SDHC: variants seen among roughly 807,000 people sequenced by gnomAD.
SDHC encodes succinate dehydrogenase cytochrome b560 subunit, mitochondrial.
SDHC carries 11 observed loss-of-function variants against 22.6 expected under a neutral mutation model. The observed-to-expected ratio is 0.49, with a 90% CI of 0.31 to 0.81. SDHC has a LOEUF of 0.81. SDHC is among the 30% of genes least tolerant of loss of function. SDHC has a pLI of 0.05. For missense variants in SDHC, 160 were observed against 212.0 expected, an observed-to-expected ratio of 0.75 and a Z score of 1.52; for synonymous variants, 80 against 77.8, an observed-to-expected ratio of 1.03 and a Z score of -0.15.
chr1:161,338,867 G>A (rs1270716389), intron 3 of SDHC, among the ~76,000 whole-genome samples: 1 of 151,154 alleles, frequency 6.6e-6, no homozygotes, highest in South Asian at 2.1e-4. Flanking sequence ...TCTTTTTTTT[G>A]AGATGGAGTC....
chr1:161,362,294 G>A (rs765602054), intron 5 of SDHC, 35 bp from the exon 6 acceptor site: 2 of 1,584,672 alleles, frequency 1.3e-6, no homozygotes, highest in African/African-American at 2.7e-5. Context: ...CCTATTTACT[G>A]AAATTCCTTT....
At chr1:161,337,503 A>C (rs559920603) in intron 3 of SDHC, among the ~76,000 whole-genome samples, 1 of 152,328 alleles carries the variant, frequency 6.6e-6, no homozygotes, top group East Asian at 1.9e-4. Context: ...GCCGTCGGTC[A>C]TCAAGTCCTG....
rs369274171 is a variant in SDHC at position 161,356,853 on chromosome 1, G to A, written c.405+13G>A. 8.4e-5 allele frequency: 136 copies of A among 1,612,776 alleles called. No homozygotes were observed. Among genetic ancestry groups the A allele is most frequent in the Non-Finnish European group, 1.1e-4 (125 of 1,178,982 alleles). On this transcript the variant is annotated intron_variant, in intron 5 of 5. Transcript: ENST00000367975. ...GATCCGACACTTGGTAAGTTAATTC[G>A]GGATTTGCACATTTTCTCTGTGAAG...
chr1:161,333,428 C>T (rs542713519), intron 3 of SDHC, among the ~76,000 whole-genome samples: 219 of 136,160 alleles, frequency 1.6e-3, no homozygotes, highest in African/African-American at 4.7e-3. Flanking sequence ...TTTTTAAAGA[C>T]GGAGTCTCGC....
At chr1:161,358,655 A>G (rs1280000135) in intron 5 of SDHC, among the ~76,000 whole-genome samples, 8 of 151,594 alleles carry the variant, frequency 5.3e-5, no homozygotes, top group Admixed American at 5.2e-4. Context: ...AGGCGGGCAC[A>G]GTGGTTCACG....
At chr1:161,329,340 T>C (rs1055405192) in intron 3 of SDHC, among the ~76,000 whole-genome samples, 4 of 151,968 alleles carry the variant, frequency 2.6e-5, no homozygotes, top group African/African-American at 7.3e-5. Context: ...TCTTCTTTTT[T>C]TATTTTTCTG....
intron 1 of SDHC, among the ~76,000 whole-genome samples, chr1:161,322,571 G>GTTT (rs61699343): frequency 5.7e-5 from 8 of 140,858 alleles, no homozygotes; most frequent in African/African-American, 2.1e-4. Context: ...GTTTGTTTTT[G>GTTT]TTTTTTTTTT....
intron 3 of SDHC, among the ~76,000 whole-genome samples, chr1:161,334,975 C>T (rs558732324): frequency 6.6e-6 from 1 of 152,310 alleles, no homozygotes; most frequent in African/African-American, 2.4e-5. Flanking sequence ...AATTTTGCCA[C>T]TTGTCCCATT....
chr1:161,331,367 A>G (rs1033884101), intron 3 of SDHC, among the ~76,000 whole-genome samples: 1 of 151,732 alleles, frequency 6.6e-6, no homozygotes, highest in Non-Finnish European at 1.5e-5. Flanking sequence ...TCCCAGGCTT[A>G]AGCAATCCTT....
chr1:161,332,909 A>C (rs185930500), intron 3 of SDHC, among the ~76,000 whole-genome samples: 6 of 152,322 alleles, frequency 3.9e-5, no homozygotes, highest in African/African-American at 1.4e-4. Flanking sequence ...CTGGGATTAT[A>C]GGCATGAGCC....
rs555466151 is a variant in SDHC at position 161,343,410 on chromosome 1, A to G, written c.241+2755A>G. On this transcript the variant is annotated intron_variant, in intron 4 of 5. Transcript: ENST00000367975. ...TGTCCATTTATAGACATATATATGT[A>G]GTTTTGTTGATAAGGATAGAGACTC... 3.9e-5 allele frequency among the ~76,000 whole-genome samples: 6 copies of G among 152,258 alleles called. No homozygotes were observed. The South Asian group carries it at 1.2e-3, about 32-fold the overall frequency.
rs1457465330 is a variant in SDHC, at chr1:161,362,465, A to T, written c.*32A>T. 1.2e-6 allele frequency: 2 copies of T among 1,612,220 alleles called. No homozygotes were observed. The highest frequency in any genetic ancestry group is 1.7e-6 in the Non-Finnish European group (2 of 1,179,354). On this transcript the variant is annotated 3_prime_UTR_variant, in exon 6 of 6. Transcript: ENST00000367975. ...GAGGCTCCCAGCATCATCTTCCTAC[A>T]CATTATTACATTCACCCATCTTTCT...
rs562744347 is a variant in SDHC at position 161,341,130 on chromosome 1, G to A, written c.241+475G>A. On this transcript the variant is annotated intron_variant, in intron 4 of 5. Coordinates refer to ENST00000367975, the MANE Select transcript of SDHC (RefSeq NM_003001.5). Reference sequence around the variant, plus strand: ...GCTGGGATTACAGACATGAGCCACTGTGCCTGGCCCAGATTAGTTTCTTAG... The same window carrying A: ...GCTGGGATTACAGACATGAGCCACTATGCCTGGCCCAGATTAGTTTCTTAG... Among the ~76,000 whole-genome samples the A allele has an allele frequency of 2.0e-5, 3 of 152,318 alleles. No individual in the cohort carries two copies. The South Asian group carries it at 6.2e-4, about 32-fold the overall frequency.
chr1:161,360,129 T>A (rs972225908), intron 5 of SDHC, among the ~76,000 whole-genome samples: 2 of 151,966 alleles, frequency 1.3e-5, no homozygotes, highest in African/African-American at 4.8e-5. Flanking sequence ...ATGTGTGTGT[T>A]AAGGCGCCAT....
intron 4 of SDHC, among the ~76,000 whole-genome samples, chr1:161,344,833 A>G (rs751079788): frequency 6.6e-6 from 1 of 152,202 alleles, no homozygotes; most frequent in Non-Finnish European, 1.5e-5. Flanking sequence ...AAAACATGAT[A>G]CCTTTAATAA....
At chr1:161,324,971 C>T (rs1168299174) in intron 2 of SDHC, among the ~76,000 whole-genome samples, 1 of 152,032 alleles carries the variant, frequency 6.6e-6, no homozygotes, top group Non-Finnish European at 1.5e-5. Context: ...GAGGCCTACA[C>T]AGAAGGATAG....
At chr1:161,341,533 C>A (rs1210380721) in intron 4 of SDHC, among the ~76,000 whole-genome samples, 1 of 152,152 alleles carries the variant, frequency 6.6e-6, no homozygotes, top group East Asian at 1.9e-4. Flanking sequence ...TCTGATGTAT[C>A]TTTTCACAGT....
intron 3 of SDHC, among the ~76,000 whole-genome samples, chr1:161,331,698 C>T (rs977215530): frequency 5.9e-5 from 9 of 151,690 alleles, no homozygotes; most frequent in African/African-American, 1.2e-4. Flanking sequence ...CTGGTTCACG[C>T]GGTTCTCCTG....
At chr1:161,356,346 C>T (rs2102369285) in intron 4 of SDHC, among the ~76,000 whole-genome samples, 1 of 152,258 alleles carries the variant, frequency 6.6e-6, no homozygotes, top group Middle Eastern at 3.4e-3. Context: ...CGAGACCAGC[C>T]TGGCCAACTT....
Sources: allele counts gnomAD v4.1 joint callset (sites outside exome capture counted in the v4.1 genomes callset), GRCh38; gene constraint gnomAD v4.1.1; transcripts MANE v1.5; gene names NCBI Gene and HGNC (gene_info 2026-07-23, HGNC 2026-07-21).